SLC25A48: variants seen among roughly 807,000 people sequenced by gnomAD.
SLC25A48 encodes the protein solute carrier family 25 member 48.
Under a neutral mutation model 32.2 loss-of-function variants are expected in SLC25A48, and 29 were observed. That is an observed-to-expected ratio of 0.90 (90% confidence interval 0.67 to 1.23). The LOEUF is 1.23. SLC25A48 is among the 50% of genes most tolerant of loss of function. The probability of loss-of-function intolerance (pLI) is 0.00; values close to 1 mark genes in which losing one functional copy is unlikely to be tolerated. For missense variants in SLC25A48, 399 were observed against 422.7 expected (o/e 0.94, Z 0.49); for synonymous variants, 164 against 172.3 (o/e 0.95, Z 0.38).
intron 3 of SLC25A48, among the ~76,000 whole-genome samples, chr5:135,712,006 G>T (rs766926713): frequency 2.0e-5 from 3 of 150,846 alleles, no homozygotes; most frequent in African/African-American, 4.9e-5. Context: ...CCAACTTCTC[G>T]CAAGTCTGCT....
intron 3 of SLC25A48, among the ~76,000 whole-genome samples, chr5:135,690,984 A>G (rs1419752859): frequency 5.9e-5 from 9 of 151,904 alleles, no homozygotes; most frequent in Admixed American, 5.2e-4. Context: ...AGGATCCCCA[A>G]CTGAGTTTGG....
chr5:135,844,371 C>A (rs1222764964), intron 2 of SLC25A48, among the ~76,000 whole-genome samples: 1 of 152,188 alleles, frequency 6.6e-6, no homozygotes, highest in Non-Finnish European at 1.5e-5. Context: ...CTGGTTGTTC[C>A]TGGCAATTCT....
At chr5:135,596,651 C>T (rs1751658675) in intron 1 of SLC25A48, among the ~76,000 whole-genome samples, 1 of 152,182 alleles carries the variant, frequency 6.6e-6, no homozygotes, top group Non-Finnish European at 1.5e-5. Context: ...TTGTCAGCCC[C>T]TTCTTGCCTG....
chr5:135,735,292 G>A (rs1178057191), intron 3 of SLC25A48, among the ~76,000 whole-genome samples: 1 of 152,224 alleles, frequency 6.6e-6, no homozygotes, highest in East Asian at 1.9e-4. Context: ...ACTTGAAGGT[G>A]AGGTTGATTA....
At chr5:135,845,865 C>G (rs1214628731) in intron 2 of SLC25A48, among the ~76,000 whole-genome samples, 1 of 152,202 alleles carries the variant, frequency 6.6e-6, no homozygotes, top group Non-Finnish European at 1.5e-5. Flanking sequence ...TTCCTGTGCC[C>G]TTGGCTGCGT....
intron 3 of SLC25A48, among the ~76,000 whole-genome samples, chr5:135,776,231 G>T (rs1004181805): frequency 6.7e-6 from 1 of 148,944 alleles, no homozygotes; most frequent in African/African-American, 2.5e-5. Flanking sequence ...ATCTCAAAGG[G>T]TGTAAACCTA....
At chr5:135,697,406 C>T (rs1404192956) in intron 3 of SLC25A48, among the ~76,000 whole-genome samples, 1 of 152,228 alleles carries the variant, frequency 6.6e-6, no homozygotes, top group Non-Finnish European at 1.5e-5. Context: ...GCTTCCCACA[C>T]AGGGTGGTCA....
intron 2 of SLC25A48, among the ~76,000 whole-genome samples, chr5:135,847,002 G>A (rs1034644016): frequency 2.6e-4 from 40 of 152,156 alleles, no homozygotes; most frequent in African/African-American, 9.7e-4. Flanking sequence ...TTGCAAAAGC[G>A]AAAGAGTCCA....
chr5:135,780,550 T>C lies in SLC25A48; in HGVS notation c.-520-31973T>C, dbSNP rs1756695703. Among the ~76,000 whole-genome samples, 2 of 117,810 alleles carry C rather than the reference T, an allele frequency of 1.7e-5. 1 individual carries two copies. Among genetic ancestry groups the C allele is most frequent in the South Asian group, 5.9e-4 (2 of 3,374 alleles). 77.3% of individuals were successfully genotyped at this position (117,810 alleles called of 152,430 possible). ...TACACCTCCCCTGTGATATTGTTCC[T>C]AGTATCCAAAAGGAAGAGGATGATA... is the stretch of plus-strand genomic sequence containing the variant. On this transcript the variant is annotated intron_variant, in intron 3 of 10. Coordinates refer to the SLC25A48 transcript ENST00000646290.
chr5:135,710,468 G>A (rs528650042), intron 3 of SLC25A48, among the ~76,000 whole-genome samples: 1 of 152,202 alleles, frequency 6.6e-6, no homozygotes, highest in Non-Finnish European at 1.5e-5. Flanking sequence ...CACTGACAAA[G>A]GCAGGCTTAT....
At chr5:135,747,658 A>G (rs1399618861) in intron 3 of SLC25A48, among the ~76,000 whole-genome samples, 2 of 152,218 alleles carry the variant, frequency 1.3e-5, no homozygotes, top group Non-Finnish European at 2.9e-5. Context: ...GGCACCTGGA[A>G]TATTAATGAG....
chr5:135,745,580 C>A (rs1215570171), intron 3 of SLC25A48, among the ~76,000 whole-genome samples: 1 of 152,134 alleles, frequency 6.6e-6, no homozygotes, highest in African/African-American at 2.4e-5. Flanking sequence ...AAAAAAGATT[C>A]TCCCCCTGCC....
intron 1 of SLC25A48, among the ~76,000 whole-genome samples, chr5:135,583,353 C>T (rs1398133003): frequency 3.3e-5 from 5 of 152,062 alleles, no homozygotes; most frequent in African/African-American, 1.2e-4. Flanking sequence ...TGTCTGGGCA[C>T]TACCTCCTTG....
intron 3 of SLC25A48, among the ~76,000 whole-genome samples, chr5:135,776,100 T>C (rs1756551051): frequency 1.3e-5 from 2 of 151,904 alleles, no homozygotes; most frequent in Non-Finnish European, 2.9e-5. Flanking sequence ...TCCCCTGTGA[T>C]ATTGTTCCTA....
chr5:135,751,870 A>G (rs1755778372), intron 3 of SLC25A48, among the ~76,000 whole-genome samples: 2 of 152,128 alleles, frequency 1.3e-5, no homozygotes, highest in African/African-American at 4.8e-5. Flanking sequence ...AGAGTCCAGA[A>G]ATTGTTCACT....
intron 3 of SLC25A48, among the ~76,000 whole-genome samples, chr5:135,744,232 C>T (rs1006292313): frequency 6.6e-6 from 1 of 152,170 alleles, no homozygotes; most frequent in Non-Finnish European, 1.5e-5. Context: ...CCAGGGAGCA[C>T]AGGCCACAGA....
At chr5:135,769,079 TA>T in intron 3 of SLC25A48, among the ~76,000 whole-genome samples, 1 of 151,522 alleles carries the variant, frequency 6.6e-6, no homozygotes, top group Non-Finnish European at 1.5e-5. Context: ...GCAGGGGGTG[TA>T]AACACCTCTG....
chr5:135,742,821 T>C (rs1372966168), intron 3 of SLC25A48, among the ~76,000 whole-genome samples: 1 of 152,086 alleles, frequency 6.6e-6, no homozygotes, highest in Non-Finnish European at 1.5e-5. Context: ...AACTAGAACA[T>C]ATTCTCCACA....
chr5:135,869,972 AGAAAC>A (rs1470451804), intron 4 of SLC25A48, among the ~76,000 whole-genome samples: 1 of 152,240 alleles, frequency 6.6e-6, no homozygotes, highest in African/African-American at 2.4e-5. Context: ...CCAGGCACGC[AGAAAC>A]CACCCCCTCA....
Sources: gnomAD v4.1 joint callset for allele counts (sites outside exome capture counted in the v4.1 genomes callset) on GRCh38, gnomAD v4.1.1 for gene constraint, MANE v1.5 for transcripts, NCBI Gene and HGNC (gene_info 2026-07-23, HGNC 2026-07-21) for gene names.